The following DPP10 variants were observed in gnomAD, a reference collection of about 807,000 sequenced individuals.
DPP10 encodes inactive dipeptidyl peptidase 10.
DPP10 carries 33 observed loss-of-function variants against 120.9 expected under a neutral mutation model. That is an observed-to-expected ratio of 0.27 (90% confidence interval 0.21 to 0.37). The LOEUF is 0.37. DPP10 is among the 10% of genes least tolerant of loss of function. The pLI is 1.00. For missense variants in DPP10, 816 were observed against 942.8 expected (o/e 0.87, Z 1.76); for synonymous variants, 337 against 326.1 (o/e 1.03, Z -0.36).
At chr2:115,604,806 A>G (rs2083592716) in intron 5 of DPP10, among the ~76,000 whole-genome samples, 1 of 152,176 alleles carries the variant, frequency 6.6e-6, no homozygotes, top group South Asian at 2.1e-4. Flanking sequence ...CCTTCTTACC[A>G]TACTGCAAAA....
chr2:114,643,572 A>G (rs1321695427), intron 1 of DPP10, among the ~76,000 whole-genome samples: 1 of 151,802 alleles, frequency 6.6e-6, no homozygotes, highest in Non-Finnish European at 1.5e-5. Flanking sequence ...GGTGAGGGTC[A>G]CTGGACTGCA....
intron 1 of DPP10, among the ~76,000 whole-genome samples, chr2:114,516,952 A>G (rs1050745933): frequency 6.6e-6 from 1 of 152,190 alleles, no homozygotes. Context: ...AACTTTTCTT[A>G]TGTTGAGGTT....
At chr2:115,705,486 C>A (rs1291667274) in intron 7 of DPP10, among the ~76,000 whole-genome samples, 1 of 151,762 alleles carries the variant, frequency 6.6e-6, no homozygotes, top group Non-Finnish European at 1.5e-5. Context: ...CCTATTATAC[C>A]AGAGCTTTAA....
At chr2:115,732,655 C>A (rs1289135107) in intron 8 of DPP10, among the ~76,000 whole-genome samples, 1 of 152,034 alleles carries the variant, frequency 6.6e-6, no homozygotes, top group Non-Finnish European at 1.5e-5. Context: ...TTTACAGCTA[C>A]CCACTTCACA....
chr2:115,061,648 G>T (rs892371449), intron 1 of DPP10, among the ~76,000 whole-genome samples: 2 of 152,122 alleles, frequency 1.3e-5, no homozygotes, highest in African/African-American at 2.4e-5. Flanking sequence ...ATTATAGAGA[G>T]AAATTATATA....
At chr2:115,840,419 G>A (rs772898456) in intron 24 of DPP10, among the ~76,000 whole-genome samples, 2 of 138,406 alleles carry the variant, frequency 1.4e-5, no homozygotes, top group Non-Finnish European at 1.5e-5. Context: ...CCCACTCCCG[G>A]GTTCACGCCA....
intron 1 of DPP10, among the ~76,000 whole-genome samples, chr2:114,904,051 A>G (rs754761771): frequency 6.6e-6 from 1 of 152,228 alleles, no homozygotes; most frequent in Non-Finnish European, 1.5e-5. Context: ...TACAACAAAT[A>G]CCTAAAAAGG....
rs145984804 is a variant in DPP10 at position 115,289,068 on chromosome 2, C to T, written c.61-20171C>T. On this transcript the variant is annotated intron_variant, in intron 1 of 25. Transcript: ENST00000410059. The stretch of plus-strand genomic sequence containing the variant: ...CCCTAAAGATTCCCCCAAAACACTC[C>T]CGGATTTGATCAGTGAATTCAGTAA... Among the ~76,000 whole-genome samples the T allele has an allele frequency of 1.0e-3, 153 of 152,190 alleles. 3 individuals are homozygous for T. The highest frequency in any genetic ancestry group is 3.5e-3 in the African/African-American group (144 of 41,548).
chr2:114,996,911 G>A (rs1701122461), intron 1 of DPP10, among the ~76,000 whole-genome samples: 1 of 151,038 alleles, frequency 6.6e-6, no homozygotes, highest in Non-Finnish European at 1.5e-5. Flanking sequence ...GAACCCGGGA[G>A]GCGGAGGTTG....
intron 2 of DPP10, among the ~76,000 whole-genome samples, chr2:115,332,808 G>A (rs1174904619): frequency 6.6e-6 from 1 of 152,072 alleles, no homozygotes; most frequent in African/African-American, 2.4e-5. Flanking sequence ...TATAATTTCT[G>A]TTCTTTTACA....
chr2:115,814,122 A>G (rs145213290), intron 19 of DPP10, among the ~76,000 whole-genome samples: 2,777 of 152,228 alleles, frequency 0.018, 87 homozygotes, highest in African/African-American at 0.061. Flanking sequence ...TTTATTATTT[A>G]TGTGTCTTTC....
intron 1 of DPP10, among the ~76,000 whole-genome samples, chr2:115,052,291 C>A (rs1387314456): frequency 6.6e-6 from 1 of 151,688 alleles, no homozygotes; most frequent in Non-Finnish European, 1.5e-5. Flanking sequence ...AAGTATGACT[C>A]CAAAAGCACA....
chr2:115,801,667 C>T (rs1176461393), intron 19 of DPP10, among the ~76,000 whole-genome samples: 1 of 152,092 alleles, frequency 6.6e-6, no homozygotes, highest in East Asian at 1.9e-4. Context: ...TGTCAAAGGC[C>T]TTCTCTGCAT....
Position 115,144,677 on chromosome 2 carries a change from C to A in DPP10, c.61-164562C>A, listed in dbSNP as rs1316896665. On this transcript the variant is annotated intron_variant, in intron 1 of 25. Coordinates refer to ENST00000410059, the MANE Select transcript of DPP10 (RefSeq NM_020868.6). The stretch of plus-strand genomic sequence containing the variant: ...CTGGGGACTGTTGTGGGGTGGGGGG[C>A]GGGGGGAGGGATAGCATTAGGAGAT... Among the ~76,000 whole-genome samples the A allele has an allele frequency of 5.0e-3, 315 of 63,126 alleles. 2 individuals are homozygous for A. The highest frequency in any genetic ancestry group is 0.021 in the African/African-American group (298 of 14,444). 41.4% of individuals were successfully genotyped at this position (63,126 alleles called of 152,430 possible).
intron 1 of DPP10, among the ~76,000 whole-genome samples, chr2:115,293,986 T>C (rs938805905): frequency 3.9e-5 from 6 of 152,110 alleles, no homozygotes; most frequent in South Asian, 2.1e-4. Context: ...ACAAGAAATA[T>C]CTTTCTTATA....
chr2:115,256,100 G>A (rs986509432), intron 1 of DPP10, among the ~76,000 whole-genome samples: 2 of 152,172 alleles, frequency 1.3e-5, no homozygotes, highest in African/African-American at 4.8e-5. Flanking sequence ...ATTTATAAAG[G>A]AAAGAAGTTT....
chr2:115,652,903 C>T lies in DPP10; in HGVS notation c.442-36784C>T, dbSNP rs72826500. Reference sequence around the variant, plus strand: ...CCACGTGACTGGACACCCTGTGGTCCAGTCAAGCTGACATGTAAAACTAAC... The same window carrying T: ...CCACGTGACTGGACACCCTGTGGTCTAGTCAAGCTGACATGTAAAACTAAC... On this transcript the variant is annotated intron_variant, in intron 5 of 25. Transcript: ENST00000410059. 6.6e-3 allele frequency among the ~76,000 whole-genome samples: 1,007 copies of T among 152,034 alleles called. 5 individuals carry two copies. The highest frequency in any genetic ancestry group is 0.011 in the Non-Finnish European group (730 of 67,942).
At chr2:114,883,380 C>G (rs1691803562) in intron 1 of DPP10, among the ~76,000 whole-genome samples, 1 of 152,192 alleles carries the variant, frequency 6.6e-6, no homozygotes, top group African/African-American at 2.4e-5. Flanking sequence ...TTGCCTCCTA[C>G]AGCATTCGTG....
At chr2:115,398,329 A>C (rs1303679963) in intron 3 of DPP10, among the ~76,000 whole-genome samples, 1 of 152,154 alleles carries the variant, frequency 6.6e-6, no homozygotes, top group Non-Finnish European at 1.5e-5. Flanking sequence ...TCACGCCTGA[A>C]GCAAATGCAT....
Sources: gnomAD v4.1 joint callset for allele counts (sites outside exome capture counted in the v4.1 genomes callset) on GRCh38, gnomAD v4.1.1 for gene constraint, MANE v1.5 for transcripts, NCBI Gene and HGNC (gene_info 2026-07-23, HGNC 2026-07-21) for gene names.